The following TBC1D19 variants were observed in gnomAD, a reference collection of about 807,000 sequenced individuals.
TBC1D19 encodes the protein TBC1 domain family, member 19.
In TBC1D19, 60 loss-of-function variants were observed where a neutral mutation model predicts 89.0. That is an observed-to-expected ratio of 0.67 (90% CI 0.55 to 0.84). The LOEUF is 0.84. TBC1D19 is among the 40% of genes least tolerant of loss of function. The pLI is 0.00. For missense variants in TBC1D19, 500 were observed against 610.8 expected (o/e 0.82, Z 1.91); for synonymous variants, 189 against 199.7 (o/e 0.95, Z 0.45).
intron 1 of TBC1D19, among the ~76,000 whole-genome samples, chr4:26,608,630 A>G: frequency 6.6e-6 from 1 of 152,310 alleles, no homozygotes; most frequent in East Asian, 1.9e-4. Flanking sequence ...CAGTTTTTAA[A>G]AAATTCTTTA....
At chr4:26,756,374 A>G (rs1315518580), downstream of TBC1D19, among the ~76,000 whole-genome samples, 1 of 152,230 alleles carries the variant, frequency 6.6e-6, no homozygotes, top group East Asian at 1.9e-4. Context: ...TCACATGCAT[A>G]CAGATATGCC....
chr4:26,856,514 TATG>T, the TBC1D19 span, among the ~76,000 whole-genome samples: 5 of 152,232 alleles, frequency 3.3e-5, no homozygotes, highest in Admixed American at 6.5e-5. Context: ...TGCTGGATCA[TATG>T]ATAATTCTAT....
intron 1 of TBC1D19, among the ~76,000 whole-genome samples, chr4:26,591,358 G>A (rs1472806090): frequency 6.6e-6 from 1 of 152,028 alleles, no homozygotes; most frequent in African/African-American, 2.4e-5. Flanking sequence ...GCTATAGGGA[G>A]CTGAGATCGC....
chr4:26,646,149 GCAAAGGATGTGAA>G (rs1466533569), intron 7 of TBC1D19, among the ~76,000 whole-genome samples: 1 of 146,830 alleles, frequency 6.8e-6, no homozygotes, highest in African/African-American at 2.5e-5. Context: ...AAAAAAGTGG[GCAAAGGATGTGAA>G]CAGACACTTT....
chr4:26,760,512 G>C (rs989502186), downstream of TBC1D19, among the ~76,000 whole-genome samples: 3 of 152,162 alleles, frequency 2.0e-5, no homozygotes, highest in Non-Finnish European at 4.4e-5. Context: ...TGGGGGTTAA[G>C]GCTGCAGTGA....
At chr4:26,691,576 G>A (rs1005608969) in intron 13 of TBC1D19, among the ~76,000 whole-genome samples, 2 of 151,860 alleles carry the variant, frequency 1.3e-5, no homozygotes, top group Non-Finnish European at 2.9e-5. Context: ...AGATTCAGAT[G>A]GTTATTAGCA....
chr4:26,724,126 C>T (rs1717149365), intron 15 of TBC1D19, among the ~76,000 whole-genome samples: 2 of 152,182 alleles, frequency 1.3e-5, no homozygotes, highest in African/African-American at 4.8e-5. Context: ...GCTTGATAGT[C>T]TGAAGCTCAC....
the TBC1D19 span, among the ~76,000 whole-genome samples, chr4:26,799,114 C>T: frequency 2.6e-5 from 4 of 152,042 alleles, no homozygotes; most frequent in Non-Finnish European, 5.9e-5. Flanking sequence ...AATGATTATC[C>T]AGTCAGAAGA....
intron 4 of TBC1D19, among the ~76,000 whole-genome samples, chr4:26,629,338 C>A (rs919288457): frequency 6.6e-6 from 1 of 151,988 alleles, no homozygotes. Context: ...TCTCATCCAT[C>A]CTCCACAGGA....
chr4:26,710,484 A>G (rs1446364962), intron 13 of TBC1D19, among the ~76,000 whole-genome samples: 1 of 152,212 alleles, frequency 6.6e-6, no homozygotes, highest in Non-Finnish European at 1.5e-5. Context: ...TAATGCCTCA[A>G]TAAACATACG....
At chr4:26,669,342 G>A (rs922150392) in intron 9 of TBC1D19, among the ~76,000 whole-genome samples, 1 of 151,726 alleles carries the variant, frequency 6.6e-6, no homozygotes, top group African/African-American at 2.4e-5. Context: ...CACAGTGTAT[G>A]TTACTATCTT....
chr4:26,620,270 C>T (rs548092702), intron 3 of TBC1D19, among the ~76,000 whole-genome samples: 2 of 152,284 alleles, frequency 1.3e-5, no homozygotes, highest in East Asian at 1.9e-4. Flanking sequence ...CACTGACCTC[C>T]AAATTTATTG....
At chr4:26,815,854 G>A in the TBC1D19 span, among the ~76,000 whole-genome samples, 189 of 152,262 alleles carry the variant, frequency 1.2e-3, no homozygotes, top group African/African-American at 4.3e-3. Flanking sequence ...TGTAGTGTGC[G>A]TATTAACCTA....
intron 1 of TBC1D19, among the ~76,000 whole-genome samples, chr4:26,584,497 G>A (rs1487909450): frequency 6.6e-6 from 1 of 152,186 alleles, no homozygotes; most frequent in Non-Finnish European, 1.5e-5. Context: ...TCCGGTGCAA[G>A]CTGTGCTGCC....
rs1336578902 is a variant in TBC1D19 at position 26,753,983 on chromosome 4, C to G, written c.1506+93C>G. 5.1e-6 allele frequency: 7 copies of G among 1,360,080 alleles called. No homozygotes were observed. The Admixed American group carries it at 1.3e-4, about 25-fold the overall frequency. The allele number at this position is 1,360,080 out of a possible 1,614,324, so 84.3% of individuals were successfully genotyped here. The stretch of plus-strand genomic sequence containing the variant: ...TGTCTGTTGCATAGGACACGCGTTA[C>G]TTGTAGCCAGGTTTTTTAACTCGGG... On this transcript the variant is annotated intron_variant, in intron 20 of 20. Transcript: ENST00000264866.
At chr4:26,733,733 A>T (rs1258616633) in intron 15 of TBC1D19, among the ~76,000 whole-genome samples, 1 of 152,230 alleles carries the variant, frequency 6.6e-6, no homozygotes, top group African/African-American at 2.4e-5. Context: ...ACAGAATAGA[A>T]TTCAGGATTA....
At chr4:26,797,187 C>T in the TBC1D19 span, among the ~76,000 whole-genome samples, 1 of 151,982 alleles carries the variant, frequency 6.6e-6, no homozygotes, top group African/African-American at 2.4e-5. Context: ...AGTAATGTTT[C>T]AGGATAAAAA....
chr4:26,853,760 C>T, the TBC1D19 span, among the ~76,000 whole-genome samples: 1 of 152,204 alleles, frequency 6.6e-6, no homozygotes, highest in Non-Finnish European at 1.5e-5. Flanking sequence ...TGGGCTCGAA[C>T]TCCTGACCTC....
At chr4:26,798,944 G>A in the TBC1D19 span, among the ~76,000 whole-genome samples, 1 of 152,038 alleles carries the variant, frequency 6.6e-6, no homozygotes, top group Non-Finnish European at 1.5e-5. Context: ...CACTATTTAG[G>A]TAAGGGATAC....
Sources: allele counts gnomAD v4.1 joint callset (sites outside exome capture counted in the v4.1 genomes callset), GRCh38; gene constraint gnomAD v4.1.1; transcripts MANE v1.5; gene names NCBI Gene and HGNC (gene_info 2026-07-23, HGNC 2026-07-21).